The following GRM3 variants were observed in gnomAD, a reference collection of about 807,000 sequenced individuals.
GRM3 encodes the protein glutamate metabotropic receptor 3.
In GRM3, 26 loss-of-function variants were observed where a neutral mutation model predicts 70.5. The ratio of observed to expected loss-of-function variants is 0.37; its 90% CI spans 0.27 to 0.51. GRM3 has a LOEUF of 0.51. Among genes scored for constraint, GRM3 ranks in the 20% least tolerant of loss-of-function variants. The pLI is 0.93. For missense variants in GRM3, 859 were observed against 1,123.8 expected (o/e 0.76, Z 3.37); for synonymous variants, 443 against 434.9 (o/e 1.02, Z -0.23).
intron 1 of GRM3, among the ~76,000 whole-genome samples, chr7:86,761,846 C>T (rs1359524328): frequency 2.0e-5 from 3 of 152,112 alleles, no homozygotes; most frequent in Admixed American, 6.6e-5. Context: ...TTTCTTTCAG[C>T]GTAATGCTGT....
At chr7:86,778,465 C>T (rs1027892543) in intron 2 of GRM3, among the ~76,000 whole-genome samples, 2 of 152,094 alleles carry the variant, frequency 1.3e-5, no homozygotes, top group African/African-American at 4.8e-5. Flanking sequence ...AAATATTTGG[C>T]ATTGTGTCAG....
chr7:86,748,287 C>T (rs1490488840), intron 1 of GRM3, among the ~76,000 whole-genome samples: 1 of 151,988 alleles, frequency 6.6e-6, no homozygotes, highest in African/African-American at 2.4e-5. Context: ...CTTTATTTAA[C>T]TAACCATCCC....
intron 1 of GRM3, among the ~76,000 whole-genome samples, chr7:86,723,552 T>C (rs1449074408): frequency 2.0e-5 from 3 of 152,146 alleles, no homozygotes; most frequent in African/African-American, 4.8e-5. Context: ...CACTAAATGA[T>C]TTTTTACCAA....
rs556967936 is a variant in GRM3 at position 86,650,067 on chromosome 7, G to T, written c.-141+5195G>T. Among the ~76,000 whole-genome samples the T allele has an allele frequency of 2.6e-5, 4 of 152,270 alleles. No homozygotes were observed. In the South Asian group the frequency reaches 8.3e-4, roughly 32 times the overall value. ...TATTCTGATGCCTTGTGGAGACAGT[G>T]TTGTATGCTGTGAGGTGACAAAACT... is the stretch of plus-strand genomic sequence containing the variant. On this transcript the variant is annotated intron_variant, in intron 1 of 5. Coordinates refer to ENST00000361669, the MANE Select transcript of GRM3 (RefSeq NM_000840.3).
At chr7:86,721,557 C>T (rs1235268184) in intron 1 of GRM3, among the ~76,000 whole-genome samples, 1 of 151,798 alleles carries the variant, frequency 6.6e-6, no homozygotes, top group Non-Finnish European at 1.5e-5. Flanking sequence ...TGGATTAATA[C>T]TAAAGTTAAA....
At chr7:86,658,996 T>C (rs947037691) in intron 1 of GRM3, among the ~76,000 whole-genome samples, 1 of 152,190 alleles carries the variant, frequency 6.6e-6, no homozygotes, top group Non-Finnish European at 1.5e-5. Context: ...TCTTAAGCCA[T>C]GTGGTATGAG....
intron 1 of GRM3, among the ~76,000 whole-genome samples, chr7:86,749,935 G>T (rs149375957): frequency 1.2e-4 from 18 of 152,066 alleles, no homozygotes; most frequent in Admixed American, 5.2e-4. Context: ...GAGGAGTCCT[G>T]AGCAAGTAGC....
At chr7:86,657,294 G>T (rs1793771777) in intron 1 of GRM3, among the ~76,000 whole-genome samples, 1 of 152,188 alleles carries the variant, frequency 6.6e-6, no homozygotes, top group African/African-American at 2.4e-5. Flanking sequence ...GATGAGATAT[G>T]TGCATGTGTA....
At chr7:86,730,941 A>G (rs1041096771) in intron 1 of GRM3, among the ~76,000 whole-genome samples, 1 of 152,028 alleles carries the variant, frequency 6.6e-6, no homozygotes, top group Admixed American at 6.6e-5. Flanking sequence ...TCCTTCTATG[A>G]CTACCCTTTT....
At chr7:86,795,635 G>A (rs1299271944) in intron 3 of GRM3, among the ~76,000 whole-genome samples, 1 of 152,142 alleles carries the variant, frequency 6.6e-6, no homozygotes, top group Admixed American at 6.5e-5. Context: ...ATTCCATGGT[G>A]TATATGTACC....
chr7:86,772,475 G>T (rs10246519), intron 2 of GRM3, among the ~76,000 whole-genome samples: 38,664 of 152,002 alleles, frequency 0.25, 4,983 homozygotes, highest in Middle Eastern at 0.31. Flanking sequence ...CTTTACACAT[G>T]TGCCACAGAT....
In GRM3 at chr7:86,743,463, T is replaced by C. The variant is rs1796033333; in HGVS notation, c.-140-21543T>C. Among the ~76,000 whole-genome samples the C allele has an allele frequency of 2.6e-5, 4 of 152,278 alleles. No individual in the cohort carries two copies. The South Asian group carries it at 8.3e-4, about 32-fold the overall frequency. On this transcript the variant is annotated intron_variant, in intron 1 of 5. Coordinates refer to ENST00000361669, the MANE Select transcript of GRM3 (RefSeq NM_000840.3). ...TTATGGCCCTTCCTTCTTCCCTTTC[T>C]ATTTTAAAACATTTATCTATAAGGG...
intron 1 of GRM3, among the ~76,000 whole-genome samples, chr7:86,706,858 G>A (rs1157634046): frequency 6.6e-6 from 1 of 152,034 alleles, no homozygotes; most frequent in Non-Finnish European, 1.5e-5. Flanking sequence ...AACAAAGCAA[G>A]TATTTTTATT....
chr7:86,713,774 A>G (rs936256970), intron 1 of GRM3, among the ~76,000 whole-genome samples: 2 of 152,006 alleles, frequency 1.3e-5, no homozygotes, highest in African/African-American at 4.8e-5. Context: ...TACATAGAAA[A>G]TGTCCAGATA....
At chr7:86,779,417 C>T (rs770512354) in intron 2 of GRM3, among the ~76,000 whole-genome samples, 2 of 152,042 alleles carry the variant, frequency 1.3e-5, no homozygotes, top group African/African-American at 4.8e-5. Context: ...CATGTGCACA[C>T]GTGCGCACAC....
intron 3 of GRM3, among the ~76,000 whole-genome samples, chr7:86,820,365 G>A (rs765610495): frequency 1.3e-5 from 2 of 152,118 alleles, no homozygotes; most frequent in African/African-American, 4.8e-5. Flanking sequence ...CTTGGGTAGA[G>A]AGGTGAGAGG....
chr7:86,652,957 T>G (rs890775420), intron 1 of GRM3, among the ~76,000 whole-genome samples: 1 of 152,210 alleles, frequency 6.6e-6, no homozygotes, highest in African/African-American at 2.4e-5. Flanking sequence ...CTTCTGATTA[T>G]TCTTGGGATT....
chr7:86,727,569 T>G (rs1795620957), intron 1 of GRM3, among the ~76,000 whole-genome samples: 1 of 152,208 alleles, frequency 6.6e-6, no homozygotes, highest in African/African-American at 2.4e-5. Context: ...GCAGAAACCT[T>G]TTTTTATCTT....
At chr7:86,765,856 G>A (rs1325245645) in intron 2 of GRM3, among the ~76,000 whole-genome samples, 1 of 152,052 alleles carries the variant, frequency 6.6e-6, no homozygotes, top group African/African-American at 2.4e-5. Context: ...AAAATTCAGT[G>A]GTTCAAATAA....
Sources: allele counts gnomAD v4.1 joint callset (sites outside exome capture counted in the v4.1 genomes callset), GRCh38; gene constraint gnomAD v4.1.1; transcripts MANE v1.5; gene names NCBI Gene and HGNC (gene_info 2026-07-23, HGNC 2026-07-21).